Variants in TRPM1 observed in about 807,000 individuals in gnomAD.
The protein encoded by TRPM1 is transient receptor potential cation channel subfamily M member 1.
In TRPM1, 113 loss-of-function variants were observed where a neutral mutation model predicts 149.4. That is an observed-to-expected ratio of 0.76 (90% CI 0.65 to 0.88). The LOEUF (loss-of-function observed/expected upper bound fraction) is 0.88. TRPM1 is among the 40% of genes least tolerant of loss of function. The pLI, the probability that TRPM1 is intolerant of heterozygous loss-of-function variation, is 0.00. For synonymous variants in TRPM1, 741 were observed against 759.5 expected (o/e 0.98, Z 0.40); for missense variants, 1,976 against 2,038.7 (o/e 0.97, Z 0.59).
At position 31,159,559 on chromosome 15, in the gene TRPM1, C is replaced by T. The variant is rs2036419986; in HGVS notation, c.54+1347G>A. 3.3e-5 allele frequency among the ~76,000 whole-genome samples: 5 copies of T among 152,218 alleles called. No homozygotes were observed. In the South Asian group the frequency reaches 1.0e-3, roughly 31 times the overall value. On this transcript the variant is annotated intron_variant, in intron 1 of 26. Transcript: ENST00000542188. ...AATAATGCTGACTCTCACACATGCG[C>T]ACAAAAGCAGATATATGCGCCTGTC...
chr15:31,069,312 C>T (rs1596036349), intron 4 of TRPM1: 1 of 625,054 alleles, frequency 1.6e-6, no homozygotes, highest in Non-Finnish European at 2.0e-6. Flanking sequence ...TGCTCAGATG[C>T]CTTGTCTCCT....
At chr15:31,114,800 A>G (rs2035774880) in intron 1 of TRPM1, among the ~76,000 whole-genome samples, 1 of 152,260 alleles carries the variant, frequency 6.6e-6, no homozygotes, top group Non-Finnish European at 1.5e-5. Context: ...TTAATTTGTA[A>G]TAGACTTAAC....
At chr15:31,102,570 G>T, upstream of TRPM1, among the ~76,000 whole-genome samples, 1 of 152,222 alleles carries the variant, frequency 6.6e-6, no homozygotes, top group East Asian at 1.9e-4. Context: ...CTTGCCCAGA[G>T]AGCAGGTGGG....
intron 1 of TRPM1, chr15:31,160,871 C>T (rs1237851198): frequency 6.5e-7 from 1 of 1,534,792 alleles, no homozygotes; most frequent in Admixed American, 2.0e-5. Flanking sequence ...CCCTTCCGCC[C>T]AGCTGCCCGC....
chr15:31,149,350 G>A (rs1278368149), intron 1 of TRPM1, among the ~76,000 whole-genome samples: 2 of 152,092 alleles, frequency 1.3e-5, no homozygotes, highest in Non-Finnish European at 2.9e-5. Context: ...GTGTTCTCTG[G>A]CCGTGCTTAA....
chr15:31,130,004 T>C (rs1231294697), intron 1 of TRPM1, among the ~76,000 whole-genome samples: 1 of 152,252 alleles, frequency 6.6e-6, no homozygotes. Context: ...TGGGCAGGGC[T>C]GGTCTTCAGC....
intron 1 of TRPM1, among the ~76,000 whole-genome samples, chr15:31,152,441 C>T (rs1474749118): frequency 1.3e-5 from 2 of 152,176 alleles, no homozygotes; most frequent in Non-Finnish European, 2.9e-5. Context: ...AAAGTGGACC[C>T]CTGACTGAGG....
intron 26 of TRPM1, 80 bp downstream of exon 26, chr15:31,026,835 G>A: frequency 6.8e-7 from 1 of 1,461,574 alleles, no homozygotes; most frequent in Non-Finnish European, 9.5e-7. Flanking sequence ...AAGTAGTTGA[G>A]TGAGATTTCT....
At chr15:31,106,200 G>A (rs958791682), upstream of TRPM1, among the ~76,000 whole-genome samples, 5 of 150,218 alleles carry the variant, frequency 3.3e-5, no homozygotes, top group Non-Finnish European at 7.4e-5. Context: ...GTGCAGTGGT[G>A]CAATCTCAGC....
At chr15:31,041,830 G>A (rs2033625893) in intron 17 of TRPM1, 121 bp downstream of exon 17, 1 of 1,122,786 alleles carries the variant, frequency 8.9e-7, no homozygotes, top group East Asian at 2.4e-5. Context: ...GAAGTGATTT[G>A]TGAACAAGCT....
In TRPM1 at chr15:31,031,119, G is replaced by A. The variant is rs115529590; in HGVS notation, c.2991C>T (p.Val997=). Residue 997 remains valine (V), a synonymous_variant, in exon 23 of 28, where the codon GTC becomes GTT. Coordinates refer to ENST00000256552, the MANE Select transcript of TRPM1 (RefSeq NM_001252024.2). ...GGGCTACTCCGAAACTCATGAGCAC[G>A]ACCAGCATGATGACCACAAAGTACA... ...DMLYFVVIML[V]VLMSFGVARQ... 4.4e-4 allele frequency: 716 copies of A among 1,614,178 alleles called. 2 individuals are homozygous for A. The African/African-American group carries it at 8.4e-3, about 19-fold the overall frequency.
At chr15:31,092,321 G>C (rs1347704055) in intron 1 of TRPM1, among the ~76,000 whole-genome samples, 1 of 152,064 alleles carries the variant, frequency 6.6e-6, no homozygotes, top group Non-Finnish European at 1.5e-5. Flanking sequence ...GAGACCACCA[G>C]CTCTCCTGGT....
intron 27 of TRPM1, among the ~76,000 whole-genome samples, chr15:31,022,317 C>T (rs1178944221): frequency 6.6e-6 from 1 of 152,208 alleles, no homozygotes; most frequent in Non-Finnish European, 1.5e-5. Flanking sequence ...CATGGGTTGA[C>T]GAGGTCTACT....
chr15:31,059,438 T>C (rs144074357), intron 11 of TRPM1, among the ~76,000 whole-genome samples: 143 of 152,280 alleles, frequency 9.4e-4, no homozygotes, highest in South Asian at 3.9e-3. Flanking sequence ...TGGGATCTCA[T>C]TCTCTCACCC....
At chr15:31,105,781 G>A (rs2035598238), upstream of TRPM1, among the ~76,000 whole-genome samples, 1 of 152,160 alleles carries the variant, frequency 6.6e-6, no homozygotes, top group Admixed American at 6.5e-5. Flanking sequence ...TATTCTCTGT[G>A]TGGTTATTCT....
At chr15:31,158,064 C>A (rs922617293) in intron 1 of TRPM1, among the ~76,000 whole-genome samples, 1 of 152,134 alleles carries the variant, frequency 6.6e-6, no homozygotes, top group Non-Finnish European at 1.5e-5. Flanking sequence ...CCTAGTACTT[C>A]TTTAAGAATG....
chr15:31,046,297 T>C (rs12907509), intron 15 of TRPM1, 64 bp from the exon 16 acceptor site: 1 of 1,493,766 alleles, frequency 6.7e-7, no homozygotes, highest in South Asian at 1.1e-5. Flanking sequence ...AGTAGTACAT[T>C]AGCAGTATTG....
chr15:31,031,278 C>T, intron 22 of TRPM1, 121 bp from the exon 23 acceptor site: 1 of 1,079,608 alleles, frequency 9.3e-7, no homozygotes. Flanking sequence ...CGAAGAAAGC[C>T]TCTTTCCCTT....
At chr15:31,009,450 T>C (rs2032105484) in intron 27 of TRPM1, among the ~76,000 whole-genome samples, 1 of 151,492 alleles carries the variant, frequency 6.6e-6, no homozygotes. Flanking sequence ...GTATCATTTT[T>C]CTCTGGTCAA....
Sources: allele counts gnomAD v4.1 joint callset (sites outside exome capture counted in the v4.1 genomes callset), GRCh38; gene constraint gnomAD v4.1.1; transcripts MANE v1.5; gene names NCBI Gene and HGNC (gene_info 2026-07-23, HGNC 2026-07-21).